The following EVC2 variants were observed in gnomAD, a reference collection of about 807,000 sequenced individuals.
EVC2 encodes the protein limbin.
Under a neutral mutation model 149.3 loss-of-function variants are expected in EVC2, and 148 were observed. That is an observed-to-expected ratio of 0.99 (90% CI 0.87 to 1.14). EVC2 has a LOEUF of 1.14. Ranked by LOEUF, EVC2 falls within the 50% of genes most tolerant of loss-of-function variation. The pLI is 0.00. For synonymous variants in EVC2, 776 were observed against 649.9 expected, an observed-to-expected ratio of 1.19 and a Z score of -2.95; for missense variants, 1,854 against 1,627.3, an observed-to-expected ratio of 1.14 and a Z score of -2.40.
intron 9 of EVC2, among the ~76,000 whole-genome samples, chr4:5,648,723 G>C (rs1303140205): frequency 6.6e-6 from 1 of 152,180 alleles, no homozygotes; most frequent in Non-Finnish European, 1.5e-5. Context: ...AGTTGCCTGG[G>C]AAGACAGTCC....
In EVC2 at chr4:5,678,477, A is replaced by G. The variant is rs1392338190; in HGVS notation, c.870+2783T>C. On this transcript the variant is annotated intron_variant, in intron 7 of 21. Transcript: ENST00000344408. ...GGCTGATTTTGCTTTGTATCTTTTCATTGTAGTAAGTCATAGCAGTGGGTA... is the reference window on the plus strand; with the variant it reads ...GGCTGATTTTGCTTTGTATCTTTTCGTTGTAGTAAGTCATAGCAGTGGGTA... Among the ~76,000 whole-genome samples the G allele has an allele frequency of 2.0e-5, 3 of 152,196 alleles. No homozygotes were observed. In the East Asian group the frequency reaches 5.8e-4, roughly 29 times the overall value.
At chr4:5,573,733 C>T (rs923901138) in intron 19 of EVC2, among the ~76,000 whole-genome samples, 4 of 152,196 alleles carry the variant, frequency 2.6e-5, no homozygotes, top group Non-Finnish European at 5.9e-5. Context: ...ATTCAGGAAG[C>T]TCGGTGTGCC....
At chr4:5,666,551 T>C (rs889056078) in intron 7 of EVC2, among the ~76,000 whole-genome samples, 10 of 152,226 alleles carry the variant, frequency 6.6e-5, no homozygotes, top group Non-Finnish European at 1.2e-4. Flanking sequence ...CTTCCTAGCA[T>C]ACACCCATGT....
At chr4:5,575,562 A>G (rs1206078913) in intron 18 of EVC2, among the ~76,000 whole-genome samples, 1 of 152,170 alleles carries the variant, frequency 6.6e-6, no homozygotes, top group Non-Finnish European at 1.5e-5. Flanking sequence ...AATTTGGTCT[A>G]TTTCCTTCCA....
intron 16 of EVC2, among the ~76,000 whole-genome samples, chr4:5,608,067 C>T (rs1377798700): frequency 6.6e-6 from 1 of 152,144 alleles, no homozygotes; most frequent in East Asian, 1.9e-4. Context: ...ACACCAACTC[C>T]ACCACTCGAT....
intron 1 of EVC2, among the ~76,000 whole-genome samples, chr4:5,700,133 C>A (rs559960408): frequency 6.6e-6 from 1 of 152,066 alleles, no homozygotes; most frequent in Non-Finnish European, 1.5e-5. Context: ...GAGCGAGACT[C>A]CGTCTCAAAA....
chr4:5,565,402 G>A, intron 20 of EVC2, 43 bp from the exon 21 acceptor site: 1 of 1,578,762 alleles, frequency 6.3e-7, no homozygotes, highest in Non-Finnish European at 8.7e-7. Context: ...AAATACGCCT[G>A]TAATCCCACT....
chr4:5,641,738 T>C (rs554925484), intron 9 of EVC2, among the ~76,000 whole-genome samples: 4 of 152,360 alleles, frequency 2.6e-5, no homozygotes, highest in African/African-American at 9.6e-5. Context: ...GAATCCACCA[T>C]TCAATCAGAA....
Position 5,689,318 on chromosome 4 carries a change from G to A in EVC2, c.545C>T (p.Thr182Ile), listed in dbSNP as rs747082570. Reference sequence around the variant, plus strand: ...GTTAACAAGCAGCCATATGCGGGCTGTCTGTGCTTCACTCGACCCAGACAC... The same window carrying A: ...GTTAACAAGCAGCCATATGCGGGCTATCTGTGCTTCACTCGACCCAGACAC... ...ALVSGSSEAQ[T>I]ARIWLLVNNT... The change falls in exon 5 of 22, where the codon ACA (threonine) becomes ATA (isoleucine). Residue 182 changes from threonine (T) to isoleucine (I), a missense_variant. By Grantham distance (89) the Thr-to-Ile change is moderately conservative (BLOSUM62 -1). Coordinates refer to ENST00000344408, the MANE Select transcript of EVC2 (RefSeq NM_147127.5). 1.2e-6 allele frequency: 2 copies of A among 1,614,192 alleles called. No individual in the cohort carries two copies. Among genetic ancestry groups the A allele is most frequent in the Admixed American group, 1.7e-5 (1 of 60,026 alleles).
chr4:5,580,028 G>A (rs1711618908), intron 17 of EVC2, among the ~76,000 whole-genome samples: 1 of 152,176 alleles, frequency 6.6e-6, no homozygotes, highest in South Asian at 2.1e-4. Context: ...ACTGAGCCTT[G>A]CATATGTTCC....
downstream of EVC2, chr4:5,562,423 T>C (rs1722011568): frequency 5.0e-6 from 5 of 1,002,264 alleles, no homozygotes; most frequent in Middle Eastern, 4.9e-4. The surrounding 1 kb of genome is among the most constrained non-coding windows in gnomAD (Gnocchi z 4.3). Context: ...CAAACATGGG[T>C]TTTGTAATAA....
At position 5,640,208 on chromosome 4, in the gene EVC2, T is replaced by C. The variant is rs2108863096; in HGVS notation, c.1470+306A>G. 6.6e-6 allele frequency among the ~76,000 whole-genome samples: 1 copy of C among 151,882 alleles called. No individual in the cohort carries two copies. The highest frequency in any genetic ancestry group is 2.1e-4 in the South Asian group (1 of 4,796). On this transcript the variant is annotated intron_variant, in intron 10 of 21. Coordinates refer to ENST00000344408, the MANE Select transcript of EVC2 (RefSeq NM_147127.5). This position sits in a 1 kb window ranked among gnomAD's most constrained non-coding sequence, Gnocchi z 4.6. ...GTAGGTGGATGAACAGACAGATGGA[T>C]GTGTAGATGGACAGATGGGTGAATG...
intron 10 of EVC2, 113 bp from the exon 11 acceptor site, chr4:5,632,145 C>A (rs751134287): frequency 8.5e-5 from 119 of 1,397,144 alleles, no homozygotes; most frequent in Admixed American, 3.7e-4. Context: ...TACATGAACA[C>A]ACAGATGCAT....
chr4:5,635,262 C>A (rs1250172542), intron 10 of EVC2, among the ~76,000 whole-genome samples: 4 of 151,992 alleles, frequency 2.6e-5, no homozygotes, highest in South Asian at 4.2e-4. Flanking sequence ...GTCTCAAACA[C>A]CTGACCTCAG....
chr4:5,706,441 GATAGATACATAC>G lies in EVC2; in HGVS notation c.228+1833_228+1844del, dbSNP rs1222351456. Among the ~76,000 whole-genome samples, 15 of 44,574 alleles carry G rather than the reference GATAGATACATAC, an allele frequency of 3.4e-4. 3 individuals carry two copies. The highest frequency in any genetic ancestry group is 1.5e-3 in the Admixed American group (6 of 4,004). The allele number at this position is 44,574 out of a possible 152,430, so 29.2% of individuals were successfully genotyped here. On this transcript the variant is annotated intron_variant, in intron 1 of 21. Transcript: ENST00000344408. ...AGATAGATAGATACATAGATAGATAGATAGATACATACATACATACATACATACATACATAGA... is the reference window on the plus strand; with the variant it reads ...AGATAGATAGATACATAGATAGATAGATACATACATACATACATACATAGA...
At chr4:5,572,564 C>T (rs529423945) in intron 19 of EVC2, among the ~76,000 whole-genome samples, 14 of 152,326 alleles carry the variant, frequency 9.2e-5, no homozygotes, top group South Asian at 2.1e-4. Flanking sequence ...TCACCAGACA[C>T]TGCATCTGCA....
the EVC2 span, among the ~76,000 whole-genome samples, chr4:5,536,341 GT>G: frequency 6.6e-6 from 1 of 151,820 alleles, no homozygotes; most frequent in African/African-American, 2.4e-5. Context: ...TATGTCTCTT[GT>G]TTTATAAGAA....
chr4:5,583,587 AT>A (rs1711997064), intron 17 of EVC2, among the ~76,000 whole-genome samples: 1 of 151,594 alleles, frequency 6.6e-6, no homozygotes, highest in African/African-American at 2.4e-5. Context: ...GGTGATTTGC[AT>A]TTTTCTAGTT....
At chr4:5,556,179 C>CAAAAA (rs61024761) in intron 21 of EVC2, among the ~76,000 whole-genome samples, 1 of 65,034 alleles carries the variant, frequency 1.5e-5, no homozygotes, top group African/African-American at 7.1e-5. Flanking sequence ...GACTCCGTCT[C>CAAAAA]AAAAAAAAAA....
Sources: allele counts gnomAD v4.1 joint callset (sites outside exome capture counted in the v4.1 genomes callset), GRCh38; gene constraint gnomAD v4.1.1; non-coding constraint Gnocchi (gnomAD v3.1); transcripts MANE v1.5; gene names NCBI Gene and HGNC (gene_info 2026-07-23, HGNC 2026-07-21).